Variants in LMO3 observed in about 807,000 individuals in gnomAD.
LMO3 encodes LIM domain only 3.
LMO3 carries 2 observed loss-of-function variants against 15.8 expected under a neutral mutation model. The ratio of observed to expected loss-of-function variants is 0.13; its 90% CI spans 0.05 to 0.40. LMO3 has a LOEUF of 0.40. Ranked by LOEUF, LMO3 falls within the 10% of genes least tolerant of loss-of-function variation. The pLI, the probability that LMO3 is intolerant of heterozygous loss-of-function variation, is 0.99. For missense variants in LMO3, 86 were observed against 182.2 expected (o/e 0.47, Z 3.04); for synonymous variants, 62 against 63.8 (o/e 0.97, Z 0.13).
intron 1 of LMO3, 40 bp from the exon 2 acceptor site, chr12:16,600,908 C>T: frequency 7.0e-7 from 1 of 1,426,922 alleles, no homozygotes; most frequent in Non-Finnish European, 9.8e-7. Context: ...CTGAGACTAC[C>T]AGACAGAATA....
chr12:16,562,551 A>C (rs1220638160), intron 2 of LMO3, among the ~76,000 whole-genome samples: 1 of 152,192 alleles, frequency 6.6e-6, no homozygotes, highest in Non-Finnish European at 1.5e-5. Context: ...CAAACCATTG[A>C]TCATCAGCCT....
intron 2 of LMO3, among the ~76,000 whole-genome samples, chr12:16,573,082 CT>C (rs919576151): frequency 2.8e-4 from 42 of 148,960 alleles, no homozygotes; most frequent in Middle Eastern, 3.5e-3. Flanking sequence ...GAAAAAATAC[CT>C]TTTTTTTTTC....
Position 16,598,101 on chromosome 12 carries a change from A to G in LMO3, c.206+2554T>C, listed in dbSNP as rs1435750596. On this transcript the variant is annotated intron_variant, in intron 2 of 3. Transcript: ENST00000537304. This position sits in a 1 kb window ranked among gnomAD's most constrained non-coding sequence, Gnocchi z 4.3. ...TTAATTTGTAAATAAAATCTGCTTG[A>G]CTATATTTGTTGATTTACCATACAG... 1.3e-5 allele frequency: 2 copies of G among 152,050 alleles called. No homozygotes were observed. The highest frequency in any genetic ancestry group is 4.8e-5 in the African/African-American group (2 of 41,440). The allele number at this position is 152,050 out of a possible 1,614,324, so 9.4% of individuals were successfully genotyped here.
rs1943932857 is a variant in LMO3, at chr12:16,604,760, G to A, written c.-9+1306C>T. ...AAGCAGTTACAACAATAATATTTCG[G>A]TTCTTTCAGAAAGACACAAAAGCAG... On this transcript the variant is annotated intron_variant, in intron 1 of 3. Coordinates refer to ENST00000537304, the MANE Select transcript of LMO3 (RefSeq NM_018640.5). This position sits in a 1 kb window ranked among gnomAD's most constrained non-coding sequence, Gnocchi z 5.3. 3.2e-6 allele frequency: 4 copies of A among 1,263,466 alleles called. No homozygotes were observed. The South Asian group carries it at 3.6e-5, about 12-fold the overall frequency. 78.3% of individuals were successfully genotyped at this position (1,263,466 alleles called of 1,614,324 possible).
Position 16,550,042 on chromosome 12 carries a change from T to C in LMO3, c.*1180A>G, listed in dbSNP as rs1941929680. 6.6e-6 allele frequency: 1 copy of C among 152,020 alleles called. No homozygotes were observed. Among genetic ancestry groups the C allele is most frequent in the Non-Finnish European group, 1.5e-5 (1 of 67,918 alleles). The allele number at this position is 152,020 out of a possible 1,614,324, so 9.4% of individuals were successfully genotyped here. ...AATGTCAGGTAAATACAGAAAAATATATAATCACTAGTTCTCAGCATTTTA... is the reference window on the plus strand; with the variant it reads ...AATGTCAGGTAAATACAGAAAAATACATAATCACTAGTTCTCAGCATTTTA... On this transcript the variant is annotated 3_prime_UTR_variant, in exon 4 of 4. Coordinates refer to ENST00000537304, the MANE Select transcript of LMO3 (RefSeq NM_018640.5).
intron 2 of LMO3, among the ~76,000 whole-genome samples, chr12:16,588,803 A>G (rs187827514): frequency 4.5e-4 from 68 of 151,950 alleles, no homozygotes; most frequent in African/African-American, 1.6e-3. Flanking sequence ...ATTATTAATC[A>G]CTCTTAAACC....
Position 16,599,579 on chromosome 12 carries a change from T to G in LMO3, c.206+1076A>C, listed in dbSNP as rs1386501413. The G allele has an allele frequency of 6.6e-6, 1 of 152,134 alleles. No individual in the cohort carries two copies. Among genetic ancestry groups the G allele is most frequent in the Non-Finnish European group, 1.5e-5 (1 of 68,020 alleles). 9.4% of individuals were successfully genotyped at this position (152,134 alleles called of 1,614,324 possible). A position where few individuals can be genotyped will look rare whatever the true frequency, so the allele number is the denominator to read the frequency against. On this transcript the variant is annotated intron_variant, in intron 2 of 3. Transcript: ENST00000537304. The surrounding 1 kb of genome is among the most constrained non-coding windows in gnomAD (Gnocchi z 4.1). ...TTGTCATAAGGGAAAAAATTCCAAA[T>G]AAATCGCTTAATGTCAGACCAGAAA...
chr12:16,595,792 A>C (rs1413623776), intron 2 of LMO3, among the ~76,000 whole-genome samples: 1 of 151,490 alleles, frequency 6.6e-6, no homozygotes, highest in African/African-American at 2.4e-5. Flanking sequence ...GCTCAAATGA[A>C]GCTTATAGAA....
intron 3 of LMO3, among the ~76,000 whole-genome samples, chr12:16,554,193 A>C (rs1163714488): frequency 2.0e-5 from 3 of 152,194 alleles, no homozygotes; most frequent in Non-Finnish European, 4.4e-5. Flanking sequence ...TAAATAGTAA[A>C]TCATCCTTAT....
chr12:16,605,651 C>A, intron 1 of LMO3: 2 of 1,038,808 alleles, frequency 1.9e-6, no homozygotes, highest in Non-Finnish European at 2.8e-6. Context: ...TTCCTATGGG[C>A]TGGGAGCAAA....
intron 2 of LMO3, among the ~76,000 whole-genome samples, chr12:16,575,745 C>T (rs1353524403): frequency 6.6e-6 from 1 of 152,146 alleles, no homozygotes; most frequent in Non-Finnish European, 1.5e-5. Context: ...GCCTCAGAGG[C>T]TATTCACTAC....
At position 16,604,856 on chromosome 12, in the gene LMO3, T is replaced by C; in HGVS notation, c.-9+1210A>G. 6.3e-7 allele frequency: 1 copy of C among 1,598,458 alleles called. No individual in the cohort carries two copies. Among genetic ancestry groups the C allele is most frequent in the Non-Finnish European group, 8.5e-7 (1 of 1,179,784 alleles). Reference sequence around the variant, plus strand: ...AGCAAAGTGCATCTATGATAGACTGTAACCTTACCAAAACTTTTCTCCTTT... The same window carrying C: ...AGCAAAGTGCATCTATGATAGACTGCAACCTTACCAAAACTTTTCTCCTTT... On this transcript the variant is annotated intron_variant, in intron 1 of 3. Transcript: ENST00000537304. This position sits in a 1 kb window ranked among gnomAD's most constrained non-coding sequence, Gnocchi z 5.3.
chr12:16,590,092 T>C (rs1341585240), intron 2 of LMO3, among the ~76,000 whole-genome samples: 1 of 152,104 alleles, frequency 6.6e-6, no homozygotes, highest in Non-Finnish European at 1.5e-5. Flanking sequence ...ACATGCAAGC[T>C]CGAGAACTTT....
chr12:16,581,486 C>A (rs1943158128), intron 2 of LMO3, among the ~76,000 whole-genome samples: 1 of 152,150 alleles, frequency 6.6e-6, no homozygotes, highest in African/African-American at 2.4e-5. Flanking sequence ...TACATAAAGG[C>A]AAATATTTCT....
chr12:16,563,388 T>C (rs1228058465), intron 2 of LMO3, among the ~76,000 whole-genome samples: 4 of 152,204 alleles, frequency 2.6e-5, no homozygotes, highest in African/African-American at 9.6e-5. Context: ...TTTTCAAATG[T>C]ATAATGTTAT....
In LMO3 at chr12:16,551,144, C is replaced by A; in HGVS notation, c.*78G>T. ...TACGCTATTCAGTAGGTTCCTGTGT[C>A]AATTCTTATGTACATGTGGAGCAAA... On this transcript the variant is annotated 3_prime_UTR_variant, in exon 4 of 4. Coordinates refer to ENST00000537304, the MANE Select transcript of LMO3 (RefSeq NM_018640.5). 3.2e-6 allele frequency: 3 copies of A among 937,760 alleles called. No individual in the cohort carries two copies. Among genetic ancestry groups the A allele is most frequent in the South Asian group, 2.7e-5 (2 of 75,420 alleles). The allele number at this position is 937,760 out of a possible 1,614,324, so 58.1% of individuals were successfully genotyped here. A position where few individuals can be genotyped will look rare whatever the true frequency, so the allele number is the denominator to read the frequency against.
chr12:16,586,841 T>A lies in LMO3; in HGVS notation c.206+13814A>T, dbSNP rs1943338892. 6.6e-6 allele frequency among the ~76,000 whole-genome samples: 1 copy of A among 152,192 alleles called. No homozygotes were observed. Among genetic ancestry groups the A allele is most frequent in the Non-Finnish European group, 1.5e-5 (1 of 68,042 alleles). Reference sequence around the variant, plus strand: ...AGCCATACACAGTTGGCATCAAATATTACTGGATGACAGATTTGTTTTTAA... The same window carrying A: ...AGCCATACACAGTTGGCATCAAATAATACTGGATGACAGATTTGTTTTTAA... On this transcript the variant is annotated intron_variant, in intron 2 of 3. Coordinates refer to ENST00000537304, the MANE Select transcript of LMO3 (RefSeq NM_018640.5). The surrounding 1 kb of genome is among the most constrained non-coding windows in gnomAD (Gnocchi z 4.3).
rs1409945100 is a variant in LMO3, at chr12:16,597,769, A to G, written c.206+2886T>C. On this transcript the variant is annotated intron_variant, in intron 2 of 3. Coordinates refer to ENST00000537304, the MANE Select transcript of LMO3 (RefSeq NM_018640.5). This position sits in a 1 kb window ranked among gnomAD's most constrained non-coding sequence, Gnocchi z 5.0. The stretch of plus-strand genomic sequence containing the variant: ...AATATCAAAGGGCCAAAAATAAAAC[A>G]ACTTTTAAAATAGAACTTAAGTGAT... The G allele has an allele frequency of 6.6e-6, 1 of 151,994 alleles. No individual in the cohort carries two copies. The highest frequency in any genetic ancestry group is 2.4e-5 in the African/African-American group (1 of 41,448). The allele number at this position is 151,994 out of a possible 1,614,324, so 9.4% of individuals were successfully genotyped here.
rs936760017 is a variant in LMO3, at chr12:16,586,345, G to T, written c.206+14310C>A. On this transcript the variant is annotated intron_variant, in intron 2 of 3. Transcript: ENST00000537304. The surrounding 1 kb of genome is among the most constrained non-coding windows in gnomAD (Gnocchi z 4.3). ...AACAACTAAGAAACAACTAAAACAC[G>T]TGCATGAATGGAGAACCACTGCATG... 6.6e-6 allele frequency among the ~76,000 whole-genome samples: 1 copy of T among 152,092 alleles called. No individual in the cohort carries two copies. Among genetic ancestry groups the T allele is most frequent in the African/African-American group, 2.4e-5 (1 of 41,412 alleles).
Sources: gnomAD v4.1 joint callset for allele counts (sites outside exome capture counted in the v4.1 genomes callset) on GRCh38, gnomAD v4.1.1 for gene constraint, Gnocchi (gnomAD v3.1) non-coding constraint, MANE v1.5 for transcripts, NCBI Gene and HGNC (gene_info 2026-07-23, HGNC 2026-07-21) for gene names.